Variants in OSBPL10 observed in about 807,000 individuals in gnomAD.
The protein encoded by OSBPL10 is oxysterol binding protein like 10, also known as oxysterol-binding protein-related protein 10.
OSBPL10 carries 49 observed loss-of-function variants against 81.7 expected under a neutral mutation model. That is an observed-to-expected ratio of 0.60 (90% CI 0.48 to 0.76). The LOEUF (loss-of-function observed/expected upper bound fraction) is 0.76, where lower values mean the gene tolerates loss of function less well. Ranked by LOEUF, OSBPL10 falls within the 30% of genes least tolerant of loss-of-function variation. The probability of loss-of-function intolerance (pLI) is 0.00; values close to 1 mark genes in which losing one functional copy is unlikely to be tolerated. For synonymous variants in OSBPL10, 419 were observed against 383.6 expected, an observed-to-expected ratio of 1.09 and a Z score of -1.08; for missense variants, 923 against 987.8, an observed-to-expected ratio of 0.93 and a Z score of 0.88.
rs188840375 is a variant in OSBPL10, at chr3:31,854,712, T to C, written c.537+21721A>G. 2.6e-5 allele frequency among the ~76,000 whole-genome samples: 4 copies of C among 152,354 alleles called. No individual in the cohort carries two copies. In the East Asian group the frequency reaches 5.8e-4, roughly 22 times the overall value. On this transcript the variant is annotated intron_variant, in intron 3 of 11. Transcript: ENST00000396556. ...CTAACATTTTACCCCATTTGTTTTA[T>C]CATTTGTTCCCTCTGTTCTCTCCTT...
chr3:32,052,074 C>T (rs1302180501), intron 1 of OSBPL10, among the ~76,000 whole-genome samples: 1 of 151,744 alleles, frequency 6.6e-6, no homozygotes, highest in Non-Finnish European at 1.5e-5. Context: ...GGCAAAACCC[C>T]ACCTTTACCA....
At chr3:31,719,065 C>G (rs1696550535) in intron 6 of OSBPL10, 6 of 152,200 alleles carry the variant, frequency 3.9e-5, no homozygotes. Context: ...CCCTACAAAA[C>G]AGCCCACATG....
At chr3:31,806,366 A>G (rs1046414991) in intron 4 of OSBPL10, among the ~76,000 whole-genome samples, 1 of 152,222 alleles carries the variant, frequency 6.6e-6, no homozygotes, top group African/African-American at 2.4e-5. Flanking sequence ...TGCACTCCCC[A>G]AAAAGAATCT....
chr3:31,721,146 G>A (rs1696631726), intron 6 of OSBPL10, among the ~76,000 whole-genome samples: 1 of 152,148 alleles, frequency 6.6e-6, no homozygotes, highest in African/African-American at 2.4e-5. Flanking sequence ...TGAAGATGGA[G>A]CAATGGGCCC....
At chr3:31,772,408 T>C (rs1036353832) in intron 4 of OSBPL10, among the ~76,000 whole-genome samples, 5 of 152,226 alleles carry the variant, frequency 3.3e-5, no homozygotes, top group African/African-American at 1.2e-4. Context: ...TGGGGAAATG[T>C]ATGTGTGGGT....
chr3:31,661,967 G>A lies in OSBPL10; in HGVS notation c.*105C>T. 1.4e-6 allele frequency: 2 copies of A among 1,448,748 alleles called. No individual in the cohort carries two copies. The highest frequency in any genetic ancestry group is 4.6e-5 in the East Asian group (2 of 43,382). 89.7% of individuals were successfully genotyped at this position (1,448,748 alleles called of 1,614,324 possible). ...CTCTCTCTCTCATCATTTCTTGGAT[G>A]CTAATACAAGGTCTCAGTGAATGCC... On this transcript the variant is annotated 3_prime_UTR_variant, in exon 12 of 12. Transcript: ENST00000396556.
intron 3 of OSBPL10, among the ~76,000 whole-genome samples, chr3:31,846,694 T>C (rs1224057962): frequency 1.3e-5 from 2 of 152,182 alleles, no homozygotes; most frequent in Non-Finnish European, 2.9e-5. Context: ...AATCTAGTGC[T>C]AGTGGCCACA....
intron 2 of OSBPL10, chr3:31,990,763 G>A: frequency 2.5e-6 from 4 of 1,613,792 alleles, no homozygotes; most frequent in Non-Finnish European, 3.4e-6. Context: ...AATTCATACT[G>A]GAGAGAAACC....
At chr3:31,879,409 G>A (rs573734804) in intron 2 of OSBPL10, 79 of 450,652 alleles carry the variant, frequency 1.8e-4, no homozygotes, top group Admixed American at 3.2e-4. Context: ...CCTAAGGCGC[G>A]CTGCTTTGGG....
intron 4 of OSBPL10, among the ~76,000 whole-genome samples, chr3:31,767,622 C>T (rs531591752): frequency 6.6e-6 from 1 of 152,298 alleles, no homozygotes; most frequent in South Asian, 2.1e-4. Flanking sequence ...AGCACTTGCC[C>T]TTCTCTTCTG....
chr3:31,863,463 A>G (rs924057728), intron 3 of OSBPL10, among the ~76,000 whole-genome samples: 10 of 152,240 alleles, frequency 6.6e-5, no homozygotes, highest in Admixed American at 2.6e-4. Context: ...TTAAGAAACG[A>G]TAAGAGCCAC....
chr3:31,916,932 A>G (rs551754934), intron 1 of OSBPL10, among the ~76,000 whole-genome samples: 1 of 152,348 alleles, frequency 6.6e-6, no homozygotes, highest in African/African-American at 2.4e-5. Context: ...GACTCCTATT[A>G]AGATATGCAG....
intron 7 of OSBPL10, among the ~76,000 whole-genome samples, chr3:31,691,680 A>G (rs1695556265): frequency 6.6e-6 from 1 of 152,170 alleles, no homozygotes; most frequent in African/African-American, 2.4e-5. Context: ...GCAGGGAGCT[A>G]TGATTGCACC....
intron 5 of OSBPL10, 66 bp downstream of exon 5, chr3:31,747,844 G>T: frequency 6.8e-7 from 1 of 1,474,354 alleles, no homozygotes; most frequent in South Asian, 1.1e-5. Context: ...AAAGGAGGAA[G>T]ACAGTGGGAC....
chr3:32,030,335 C>G (rs1340990072), intron 2 of OSBPL10: 1 of 491,912 alleles, frequency 2.0e-6, no homozygotes, highest in African/African-American at 2.0e-5. Context: ...GGAATGGGCG[C>G]CGTTCAAAAA....
At chr3:31,867,567 C>T (rs1048455751) in intron 3 of OSBPL10, among the ~76,000 whole-genome samples, 1 of 152,082 alleles carries the variant, frequency 6.6e-6, no homozygotes, top group Non-Finnish European at 1.5e-5. Context: ...CATGGTGAAA[C>T]CCTGTCTCTA....
intron 4 of OSBPL10, among the ~76,000 whole-genome samples, chr3:31,824,417 G>A (rs554482020): frequency 6.6e-5 from 10 of 152,278 alleles, no homozygotes; most frequent in African/African-American, 1.4e-4. Context: ...CTGTTGAGTC[G>A]TGGTTAGGGC....
At chr3:31,745,836 C>T (rs1490658425) in intron 5 of OSBPL10, among the ~76,000 whole-genome samples, 1 of 152,208 alleles carries the variant, frequency 6.6e-6, no homozygotes, top group Non-Finnish European at 1.5e-5. Context: ...AAATTACCCA[C>T]ACACAATCTA....
intron 3 of OSBPL10, among the ~76,000 whole-genome samples, chr3:31,856,242 A>G (rs368129453): frequency 6.3e-4 from 96 of 152,142 alleles, no homozygotes; most frequent in African/African-American, 2.3e-3. Context: ...AAATTGTTGC[A>G]CTTTATTAAG....
Sources: allele counts gnomAD v4.1 joint callset (sites outside exome capture counted in the v4.1 genomes callset), GRCh38; gene constraint gnomAD v4.1.1; transcripts MANE v1.5; gene names NCBI Gene and HGNC (gene_info 2026-07-23, HGNC 2026-07-21).